The following FSTL4 variants were observed in gnomAD, a reference collection of about 807,000 sequenced individuals.
The protein encoded by FSTL4 is follistatin like 4, also known as follistatin-related protein 4.
In FSTL4, 28 loss-of-function variants were observed where a neutral mutation model predicts 78.2. The ratio of observed to expected loss-of-function variants is 0.36; its 90% confidence interval spans 0.27 to 0.49. The LOEUF (loss-of-function observed/expected upper bound fraction) is 0.49, where lower values mean the gene tolerates loss of function less well. FSTL4 is among the 20% of genes least tolerant of loss of function. The pLI is 0.98. For synonymous variants in FSTL4, 422 were observed against 440.5 expected (o/e 0.96, Z 0.53); for missense variants, 922 against 1,084.9 (o/e 0.85, Z 2.11).
At chr5:133,526,728 T>C (rs1215307437) in intron 3 of FSTL4, among the ~76,000 whole-genome samples, 3 of 152,046 alleles carry the variant, frequency 2.0e-5, no homozygotes, top group African/African-American at 7.3e-5. Context: ...GAGCTGGGGA[T>C]GAGGACTTTG....
chr5:133,699,827 G>A, the FSTL4 span, among the ~76,000 whole-genome samples: 1 of 144,402 alleles, frequency 6.9e-6, no homozygotes, highest in Non-Finnish European at 1.5e-5. Context: ...CTTCCAGTGA[G>A]CCGAGATAGC....
chr5:133,689,579 C>T, the FSTL4 span, among the ~76,000 whole-genome samples: 3 of 152,200 alleles, frequency 2.0e-5, no homozygotes, highest in Non-Finnish European at 2.9e-5. Flanking sequence ...AGATCTCCTG[C>T]ACAATCTCTG....
intron 6 of FSTL4, among the ~76,000 whole-genome samples, chr5:133,274,759 C>T (rs541796903): frequency 6.6e-6 from 1 of 152,242 alleles, no homozygotes; most frequent in African/African-American, 2.4e-5. Flanking sequence ...CCTCTCCACC[C>T]CTATTAAATA....
At chr5:133,519,479 G>A (rs983490608) in intron 3 of FSTL4, among the ~76,000 whole-genome samples, 5 of 152,190 alleles carry the variant, frequency 3.3e-5, no homozygotes, top group African/African-American at 1.2e-4. Context: ...CTGTCATGCC[G>A]CCAATCACCA....
intron 3 of FSTL4, among the ~76,000 whole-genome samples, chr5:133,436,568 C>G (rs912242573): frequency 3.3e-5 from 5 of 152,122 alleles, no homozygotes; most frequent in African/African-American, 1.2e-4. Flanking sequence ...AGAAGTTTTA[C>G]AAGCAATGAT....
chr5:133,551,783 T>C (rs1759695857), intron 3 of FSTL4, among the ~76,000 whole-genome samples: 1 of 152,256 alleles, frequency 6.6e-6, no homozygotes, highest in African/African-American at 2.4e-5. Context: ...TGTAAATGTA[T>C]ATTTAGATGT....
the FSTL4 span, among the ~76,000 whole-genome samples, chr5:133,828,674 G>A: frequency 3.9e-5 from 6 of 152,164 alleles, no homozygotes; most frequent in Non-Finnish European, 8.8e-5. Context: ...CCGGACTGCT[G>A]GTTCTCTCCT....
intron 4 of FSTL4, among the ~76,000 whole-genome samples, chr5:133,351,667 G>A (rs1754826755): frequency 6.6e-6 from 1 of 152,058 alleles, no homozygotes; most frequent in Non-Finnish European, 1.5e-5. Context: ...GAGTGCAGTG[G>A]CATAATCTCA....
At chr5:133,275,977 A>T (rs907121737) in intron 6 of FSTL4, 1 of 152,150 alleles carries the variant, frequency 6.6e-6, no homozygotes. Context: ...TTTGAAGTTT[A>T]TTGGTTTTGC....
At chr5:133,336,481 C>T (rs996078718) in intron 4 of FSTL4, among the ~76,000 whole-genome samples, 19 of 152,338 alleles carry the variant, frequency 1.2e-4, no homozygotes, top group African/African-American at 4.3e-4. Context: ...TGACCACAGC[C>T]GCCTCTGCAG....
intron 6 of FSTL4, among the ~76,000 whole-genome samples, chr5:133,290,360 G>A (rs1254650081): frequency 6.6e-6 from 1 of 152,240 alleles, no homozygotes; most frequent in Non-Finnish European, 1.5e-5. Context: ...GGGCGAATGA[G>A]GAAAATGGAG....
chr5:133,732,842 T>C, the FSTL4 span, among the ~76,000 whole-genome samples: 5 of 152,350 alleles, frequency 3.3e-5, no homozygotes, highest in East Asian at 3.9e-4. Flanking sequence ...AGGGGCCACC[T>C]GAGGTGGCTC....
At chr5:133,837,648 C>T in the FSTL4 span, among the ~76,000 whole-genome samples, 1 of 152,278 alleles carries the variant, frequency 6.6e-6, no homozygotes, top group Non-Finnish European at 1.5e-5. Flanking sequence ...GTCAACTTTA[C>T]TCTTATAAAT....
intron 3 of FSTL4, among the ~76,000 whole-genome samples, chr5:133,415,574 A>G (rs1756564154): frequency 6.6e-6 from 1 of 152,104 alleles, no homozygotes; most frequent in Non-Finnish European, 1.5e-5. Context: ...GTCATAGTAA[A>G]GAGGAGGTGG....
At chr5:133,401,478 C>G (rs1318295850) in intron 3 of FSTL4, among the ~76,000 whole-genome samples, 1 of 152,214 alleles carries the variant, frequency 6.6e-6, no homozygotes, top group Non-Finnish European at 1.5e-5. Flanking sequence ...CCCTCCACCC[C>G]CTGCCTGCAA....
At chr5:133,412,656 T>G (rs1432186553) in intron 3 of FSTL4, among the ~76,000 whole-genome samples, 1 of 152,218 alleles carries the variant, frequency 6.6e-6, no homozygotes, top group African/African-American at 2.4e-5. Context: ...GTGTCTTTCA[T>G]TTTGAATTTT....
At chr5:133,400,258 A>T (rs989018088) in intron 4 of FSTL4, among the ~76,000 whole-genome samples, 1 of 152,126 alleles carries the variant, frequency 6.6e-6, no homozygotes, top group Non-Finnish European at 1.5e-5. Flanking sequence ...AAGACATGGG[A>T]TGCCTTCCCA....
the FSTL4 span, among the ~76,000 whole-genome samples, chr5:133,663,498 G>A: frequency 1.3e-5 from 2 of 152,196 alleles, no homozygotes; most frequent in African/African-American, 4.8e-5. Context: ...GTTAACTGAT[G>A]AGTGTTTTTG....
rs551792459 is a variant in FSTL4 at position 133,354,646 on chromosome 5, C to T, written c.410-37994G>A. On this transcript the variant is annotated intron_variant, in intron 4 of 15. Coordinates refer to ENST00000265342, the MANE Select transcript of FSTL4 (RefSeq NM_015082.2). ...GTGGCCTCAGAGAGTGGGCAAAGGG[C>T]GGGGCACTGGGCAGGGAATCCATGA... Among the ~76,000 whole-genome samples the T allele has an allele frequency of 2.6e-5, 4 of 152,316 alleles. No homozygotes were observed. The South Asian group carries it at 8.3e-4, about 32-fold the overall frequency.
Sources: gnomAD v4.1 joint callset for allele counts (sites outside exome capture counted in the v4.1 genomes callset) on GRCh38, gnomAD v4.1.1 for gene constraint, MANE v1.5 for transcripts, NCBI Gene and HGNC (gene_info 2026-07-23, HGNC 2026-07-21) for gene names.